MTUS1: variants seen among roughly 807,000 people sequenced by gnomAD.
The protein encoded by MTUS1 is microtubule-associated tumor suppressor 1.
In MTUS1, 109 loss-of-function variants were observed where a neutral mutation model predicts 120.8. That is an observed-to-expected ratio of 0.90 (90% CI 0.77 to 1.06). MTUS1 has a LOEUF of 1.06. Among genes scored for constraint, MTUS1 ranks in the 50% least tolerant of loss-of-function variants. The probability of loss-of-function intolerance (pLI) is 0.00; values close to 1 mark genes in which losing one functional copy is unlikely to be tolerated. For missense variants in MTUS1, 2,210 were observed against 1,486.3 expected (o/e 1.49, Z -8.01); for synonymous variants, 737 against 550.5 (o/e 1.34, Z -4.74).
chr8:17,655,759 A>G lies in MTUS1; in HGVS notation c.3108+104T>C, dbSNP rs1046600235. 8.4e-6 allele frequency: 8 copies of G among 950,930 alleles called. No individual in the cohort carries two copies. In the Admixed American group the frequency reaches 1.1e-4, roughly 13 times the overall value. 58.9% of individuals were successfully genotyped at this position (950,930 alleles called of 1,614,324 possible). A position where few individuals can be genotyped will look rare whatever the true frequency, so the allele number is the denominator to read the frequency against. On this transcript the variant is annotated intron_variant, in intron 9 of 14. Transcript: ENST00000693296. ...TAAACAACAACAACATGCTTTTTAT[A>G]CCTATTAGACTAAAAAAGAGAAGCT...
intron 8 of MTUS1, among the ~76,000 whole-genome samples, chr8:17,674,278 G>C (rs1428447367): frequency 6.6e-6 from 1 of 152,072 alleles, no homozygotes; most frequent in African/African-American, 2.4e-5. Context: ...AAATTAGCTG[G>C]GTGTGGTGGT....
At chr8:17,765,031 C>A (rs1273051837) in intron 1 of MTUS1, among the ~76,000 whole-genome samples, 2 of 152,158 alleles carry the variant, frequency 1.3e-5, no homozygotes, top group African/African-American at 4.8e-5. Context: ...TGTAAGTAGA[C>A]AGTCCCATCT....
intron 3 of MTUS1, among the ~76,000 whole-genome samples, chr8:17,738,721 T>G (rs1563295676): frequency 1.3e-5 from 2 of 152,162 alleles, no homozygotes; most frequent in Non-Finnish European, 2.9e-5. Context: ...AGCATTAATT[T>G]TCAATAGCCA....
At position 17,755,030 on chromosome 8, in the gene MTUS1, T is replaced by C. The variant is rs376191670; in HGVS notation, c.778A>G (p.Ile260Val). Reference sequence around the variant, plus strand: ...GAAGAACATGCACACTGATTTCCAATATCTGAAACAAAAACCTCACTTTGC... The same window carrying C: ...GAAGAACATGCACACTGATTTCCAACATCTGAAACAAAAACCTCACTTTGC... The part of the protein sequence containing the change: ...VMQSEVFVSD[I>V]GNQCACSSGK... Residue 260 changes from isoleucine to valine, a missense_variant, in exon 2 of 15, where the codon ATT becomes GTT. Transcript: ENST00000693296. 24 of 1,613,858 alleles carry C rather than the reference T, an allele frequency of 1.5e-5. No individual in the cohort carries two copies. The highest frequency in any genetic ancestry group is 2.0e-5 in the Non-Finnish European group (24 of 1,180,026).
chr8:17,737,683 C>T (rs896865091), intron 3 of MTUS1, among the ~76,000 whole-genome samples: 1 of 152,152 alleles, frequency 6.6e-6, no homozygotes, highest in African/African-American at 2.4e-5. Flanking sequence ...GACAGGGTCT[C>T]ACTCTGTTGC....
intron 10 of MTUS1, 27 bp downstream of exon 10, chr8:17,654,534 T>C: frequency 1.4e-6 from 2 of 1,396,640 alleles, no homozygotes; most frequent in South Asian, 1.2e-5. Flanking sequence ...TTTTATTCTG[T>C]TTAAAGAGGA....
chr8:17,687,548 T>C (rs530351305), intron 6 of MTUS1, among the ~76,000 whole-genome samples: 33 of 152,354 alleles, frequency 2.2e-4, no homozygotes, highest in African/African-American at 6.0e-4. Flanking sequence ...TTATTTTGTT[T>C]ACTGTACCTA....
At chr8:17,660,960 C>G (rs1479251307) in intron 8 of MTUS1, among the ~76,000 whole-genome samples, 2 of 152,264 alleles carry the variant, frequency 1.3e-5, no homozygotes, top group Admixed American at 1.3e-4. Flanking sequence ...GCAACTCAAG[C>G]CTTTGGGACT....
intron 1 of MTUS1, among the ~76,000 whole-genome samples, chr8:17,769,031 C>G (rs1330436797): frequency 6.6e-6 from 1 of 152,028 alleles, no homozygotes; most frequent in Non-Finnish European, 1.5e-5. Context: ...TTAGATAACT[C>G]ACACTATGCA....
At chr8:17,791,292 C>T (rs1563400754) in intron 1 of MTUS1, among the ~76,000 whole-genome samples, 2 of 152,174 alleles carry the variant, frequency 1.3e-5, no homozygotes, top group Non-Finnish European at 2.9e-5. Context: ...TTGCCACAAA[C>T]ATAGGGAATT....
intron 2 of MTUS1, among the ~76,000 whole-genome samples, chr8:17,745,453 A>T (rs546041193): frequency 6.6e-6 from 1 of 151,956 alleles, no homozygotes; most frequent in African/African-American, 2.4e-5. Context: ...AACACTGCAG[A>T]TTTTTTTTCT....
intron 5 of MTUS1, among the ~76,000 whole-genome samples, chr8:17,714,083 A>G (rs1015835956): frequency 6.6e-6 from 1 of 150,556 alleles, no homozygotes; most frequent in African/African-American, 2.4e-5. Flanking sequence ...TGTGTGGATC[A>G]TGGGGCTTTA....
At chr8:17,676,918 G>C (rs146773586) in intron 7 of MTUS1, among the ~76,000 whole-genome samples, 1 of 152,196 alleles carries the variant, frequency 6.6e-6, no homozygotes, top group Non-Finnish European at 1.5e-5. Context: ...CTGAGAGTTG[G>C]AGATCCCATA....
At chr8:17,665,110 C>T (rs1348138084) in intron 8 of MTUS1, among the ~76,000 whole-genome samples, 1 of 152,170 alleles carries the variant, frequency 6.6e-6, no homozygotes, top group Non-Finnish European at 1.5e-5. Flanking sequence ...TAATCCCCTA[C>T]TCACATAGTG....
At chr8:17,735,367 C>T (rs903787036) in intron 3 of MTUS1, among the ~76,000 whole-genome samples, 2 of 152,192 alleles carry the variant, frequency 1.3e-5, no homozygotes, top group Admixed American at 6.5e-5. Flanking sequence ...GACACTCTGT[C>T]TCCTAATTAT....
intron 2 of MTUS1, among the ~76,000 whole-genome samples, chr8:17,749,356 C>G (rs1006417287): frequency 6.6e-6 from 1 of 152,088 alleles, no homozygotes; most frequent in African/African-American, 2.4e-5. Context: ...TTTGAACCAA[C>G]TGCCAATTAG....
At chr8:17,690,599 A>C (rs1328265745) in intron 6 of MTUS1, among the ~76,000 whole-genome samples, 1 of 152,246 alleles carries the variant, frequency 6.6e-6, no homozygotes. Flanking sequence ...AAAATAGCCA[A>C]TTAAAACATT....
At position 17,741,270 on chromosome 8, in the gene MTUS1, C is replaced by T. The variant is rs557417685; in HGVS notation, c.2287+2334G>A. 5.1e-4 allele frequency among the ~76,000 whole-genome samples: 77 copies of T among 152,264 alleles called. 1 individual carries two copies. Among genetic ancestry groups the T allele is most frequent in the African/African-American group, 1.8e-3 (76 of 41,550 alleles). On this transcript the variant is annotated intron_variant, in intron 3 of 14. Coordinates refer to ENST00000693296, the MANE Select transcript of MTUS1 (RefSeq NM_001363059.2). ...TTAACCTTCATCACCTCCTCACCAG[C>T]CCTGTCTCCAAACACAATCACATTG...
At chr8:17,646,922 G>A (rs1191603121) in intron 14 of MTUS1, 60 bp downstream of exon 14, 2 of 1,265,400 alleles carry the variant, frequency 1.6e-6, no homozygotes, top group South Asian at 1.2e-5. Flanking sequence ...TGTCCAGAAA[G>A]TACACTGGAT....
Sources: allele counts gnomAD v4.1 joint callset (sites outside exome capture counted in the v4.1 genomes callset), GRCh38; gene constraint gnomAD v4.1.1; transcripts MANE v1.5; gene names NCBI Gene and HGNC (gene_info 2026-07-23, HGNC 2026-07-21).